The following ARHGAP6 variants were observed in gnomAD, a reference collection of about 807,000 sequenced individuals.
ARHGAP6 encodes the protein Rho GTPase activating protein 6, also known as rho GTPase-activating protein 6.
ARHGAP6 carries 16 observed loss-of-function variants against 55.7 expected under a neutral mutation model. The ratio of observed to expected loss-of-function variants is 0.29; its 90% CI spans 0.19 to 0.44. The LOEUF (loss-of-function observed/expected upper bound fraction) is 0.44. Among genes scored for constraint, ARHGAP6 ranks in the 20% least tolerant of loss-of-function variants. ARHGAP6 has a pLI of 1.00. For missense variants in ARHGAP6, 698 were observed against 808.9 expected, an observed-to-expected ratio of 0.86 and a Z score of 1.66; for synonymous variants, 382 against 360.9, an observed-to-expected ratio of 1.06 and a Z score of -0.66.
At chrX:11,485,362 G>T (rs780120529) in intron 1 of ARHGAP6, among the ~76,000 whole-genome samples, 3 of 112,133 alleles carry the variant, frequency 2.7e-5, no homozygotes, top group African/African-American at 9.7e-5. Flanking sequence ...TCCAAAAAAG[G>T]TATGCAAGGC....
chrX:11,274,180 T>G (rs1354402198), intron 1 of ARHGAP6, among the ~76,000 whole-genome samples: 2 of 111,808 alleles, frequency 1.8e-5, no homozygotes, highest in Admixed American at 9.5e-5. Flanking sequence ...TCTCTCTCAT[T>G]TAGTTTTCTT....
At chrX:11,554,662 A>G (rs182552762) in intron 1 of ARHGAP6, among the ~76,000 whole-genome samples, 3 of 112,343 alleles carry the variant, frequency 2.7e-5, no homozygotes, top group Non-Finnish European at 5.6e-5. Context: ...TTATTTCATC[A>G]AGAATAGAAA....
intron 1 of ARHGAP6, among the ~76,000 whole-genome samples, chrX:11,273,127 CT>C (rs758764234): frequency 1.2e-4 from 13 of 108,573 alleles, no homozygotes; most frequent in South Asian, 7.9e-4. Flanking sequence ...AAACCTCACC[CT>C]TTTTTTTTGG....
chrX:11,610,850 G>A (rs1409319951), intron 1 of ARHGAP6, among the ~76,000 whole-genome samples: 1 of 111,801 alleles, frequency 8.9e-6, no homozygotes, highest in Non-Finnish European at 1.9e-5. Flanking sequence ...CCCAGGCCCT[G>A]ACAACTACTA....
intron 1 of ARHGAP6, among the ~76,000 whole-genome samples, chrX:11,356,842 A>G (rs2048936285): frequency 8.9e-6 from 1 of 112,220 alleles, no homozygotes; most frequent in African/African-American, 3.2e-5. Flanking sequence ...TATGTATTAA[A>G]TTATACTAAA....
At chrX:11,521,071 T>A (rs1322110798) in intron 1 of ARHGAP6, among the ~76,000 whole-genome samples, 1 of 112,068 alleles carries the variant, frequency 8.9e-6, no homozygotes, top group African/African-American at 3.2e-5. Context: ...CTTTGTCAGA[T>A]GAGTAGATTG....
chrX:11,362,478 G>A (rs943013665), intron 1 of ARHGAP6, among the ~76,000 whole-genome samples: 2 of 109,655 alleles, frequency 1.8e-5, no homozygotes, highest in Non-Finnish European at 3.8e-5. Flanking sequence ...ACACAGGAAG[G>A]GGAACATCAC....
chrX:11,371,956 T>C (rs1252741433), intron 1 of ARHGAP6, among the ~76,000 whole-genome samples: 1 of 112,490 alleles, frequency 8.9e-6, no homozygotes, highest in Non-Finnish European at 1.9e-5. Context: ...TGTGTAATCA[T>C]TTGAGAATCT....
At chrX:11,595,988 T>C (rs2051897361) in intron 1 of ARHGAP6, among the ~76,000 whole-genome samples, 1 of 112,099 alleles carries the variant, frequency 8.9e-6, no homozygotes, top group South Asian at 3.7e-4. Context: ...TGTAAATTAG[T>C]TCAACCATTG....
chrX:11,179,276 T>G (rs2046279129), intron 7 of ARHGAP6, 26 bp downstream of exon 7: 1 of 1,166,008 alleles, frequency 8.6e-7, no homozygotes, highest in Non-Finnish European at 1.2e-6. Flanking sequence ...CAGGGCCACT[T>G]TCCCACATAT....
rs1262260655 is a variant in ARHGAP6 at position 11,448,920 on chromosome X, C to T, written c.589-194213G>A. Among the ~76,000 whole-genome samples, 3 of 111,955 alleles carry T rather than the reference C, an allele frequency of 2.7e-5. No individual in the cohort carries two copies. In the Admixed American group the frequency reaches 2.8e-4, roughly 11 times the overall value. On this transcript the variant is annotated intron_variant, in intron 1 of 12. Coordinates refer to ENST00000337414, the MANE Select transcript of ARHGAP6 (RefSeq NM_013427.3). ...ATGTTTCATTGAAATGTCTCACCTT[C>T]ATCCAATTTTCTAAGCCAGGGGCCA... is the stretch of plus-strand genomic sequence containing the variant.
intron 1 of ARHGAP6, among the ~76,000 whole-genome samples, chrX:11,626,259 T>A (rs1310605458): frequency 8.9e-6 from 1 of 111,845 alleles, no homozygotes; most frequent in Non-Finnish European, 1.9e-5. Flanking sequence ...TTACAAAAAC[T>A]ACTCAAGAGA....
chrX:11,387,740 T>C lies in ARHGAP6; in HGVS notation c.589-133033A>G, dbSNP rs776127117. ...CACAACAGGCCCCGGTGTGTGATGT[T>C]CCCCTTCCTGTGTCCATGTGTTCTT... On this transcript the variant is annotated intron_variant, in intron 1 of 12. Transcript: ENST00000337414. Among the ~76,000 whole-genome samples, 3 of 110,714 alleles carry C rather than the reference T, an allele frequency of 2.7e-5. No individual in the cohort carries two copies. In the South Asian group the frequency reaches 1.2e-3, roughly 44 times the overall value.
chrX:11,508,494 G>A (rs747824404), intron 1 of ARHGAP6, among the ~76,000 whole-genome samples: 22 of 111,236 alleles, frequency 2.0e-4, no homozygotes, highest in African/African-American at 6.2e-4. Context: ...CCCTGACCCC[G>A]ACTGTAACCC....
chrX:11,271,357 G>T (rs1247790575), intron 1 of ARHGAP6, among the ~76,000 whole-genome samples: 4 of 111,431 alleles, frequency 3.6e-5, no homozygotes. Flanking sequence ...AAACTCTTAG[G>T]CCAAACAAAC....
At chrX:11,393,199 C>A (rs2049431465) in intron 1 of ARHGAP6, among the ~76,000 whole-genome samples, 1 of 110,784 alleles carries the variant, frequency 9.0e-6, no homozygotes, top group African/African-American at 3.3e-5. Flanking sequence ...TATTCAAGAG[C>A]AATTTAAGTT....
rs555350096 is a variant in ARHGAP6 at position 11,429,182 on chromosome X, C to T, written c.589-174475G>A. Among the ~76,000 whole-genome samples, 160 of 112,796 alleles carry T rather than the reference C, an allele frequency of 1.4e-3. 1 individual carries two copies. Among genetic ancestry groups the T allele is most frequent in the Non-Finnish European group, 1.9e-3 (102 of 53,332 alleles). ...AGAACAAATGGATTAATCTCACAAA[C>T]ATTATGTTGGGAGAAAGAAATCAGA... On this transcript the variant is annotated intron_variant, in intron 1 of 12. Coordinates refer to ENST00000337414, the MANE Select transcript of ARHGAP6 (RefSeq NM_013427.3).
chrX:11,594,552 C>T (rs2051878446), intron 1 of ARHGAP6, among the ~76,000 whole-genome samples: 1 of 110,935 alleles, frequency 9.0e-6, no homozygotes, highest in Non-Finnish European at 1.9e-5. Flanking sequence ...GTGAACATTA[C>T]CACCTGAACT....
intron 1 of ARHGAP6, among the ~76,000 whole-genome samples, chrX:11,662,099 A>G (rs1002555707): frequency 8.9e-6 from 1 of 112,162 alleles, no homozygotes; most frequent in Admixed American, 9.4e-5. Flanking sequence ...CAGGGCCTCT[A>G]AGCAGCCTTG....
Sources: allele counts gnomAD v4.1 joint callset (sites outside exome capture counted in the v4.1 genomes callset), GRCh38; gene constraint gnomAD v4.1.1; transcripts MANE v1.5; gene names NCBI Gene and HGNC (gene_info 2026-07-23, HGNC 2026-07-21).